Variants in FARP1 observed in about 807,000 individuals in gnomAD.
FARP1 encodes the protein FERM, ARHGEF and pleckstrin domain-containing protein 1.
FARP1 carries 52 observed loss-of-function variants against 128.8 expected under a neutral mutation model. The observed-to-expected ratio is 0.40, with a 90% confidence interval of 0.32 to 0.51. The LOEUF (loss-of-function observed/expected upper bound fraction) is 0.51. Among genes scored for constraint, FARP1 ranks in the 20% least tolerant of loss-of-function variants. The probability of loss-of-function intolerance (pLI) is 0.45; values close to 1 mark genes in which losing one functional copy is unlikely to be tolerated. For synonymous variants in FARP1, 580 were observed against 551.8 expected (o/e 1.05, Z -0.72); for missense variants, 1,333 against 1,367.9 (o/e 0.97, Z 0.40).
At chr13:98,295,355 G>A (rs1053636632) in intron 2 of FARP1, among the ~76,000 whole-genome samples, 2 of 152,124 alleles carry the variant, frequency 1.3e-5, no homozygotes, top group African/African-American at 4.8e-5. Context: ...AGACTCGCGT[G>A]TCCTCAGTGG....
rs1491453247 is a variant in FARP1, at chr13:98,417,455, G to GGGAAAAAAAAAAAAAAA, written c.1826+5421_1826+5422insGGAAAAAAAAAAAAAAA. On this transcript the variant is annotated intron_variant, in intron 16 of 26. Transcript: ENST00000319562. ...AGGAAACAGAGGCCACCAGAGGTTT[G>GGGAAAAAAAAAAAAAAA]AAAAAAAAAAAAAAAAAAAAAAAAA... 4.3e-4 allele frequency among the ~76,000 whole-genome samples: 25 copies of GGGAAAAAAAAAAAAAAA among 58,478 alleles called. 4 individuals are homozygous for GGGAAAAAAAAAAAAAAA. Among genetic ancestry groups the GGGAAAAAAAAAAAAAAA allele is most frequent in the Middle Eastern group, 9.6e-3 (1 of 104 alleles). The allele number at this position is 58,478 out of a possible 152,430, so 38.4% of individuals were successfully genotyped here.
intron 1 of FARP1, among the ~76,000 whole-genome samples, chr13:98,144,019 G>C (rs1875303685): frequency 6.6e-6 from 1 of 152,184 alleles, no homozygotes; most frequent in African/African-American, 2.4e-5. Context: ...CTCTGCCCAA[G>C]TTAGATTTGT....
At chr13:98,284,298 C>T (rs1412341539) in intron 2 of FARP1, among the ~76,000 whole-genome samples, 2 of 152,064 alleles carry the variant, frequency 1.3e-5, no homozygotes, top group African/African-American at 4.8e-5. Flanking sequence ...TGTTGGTCAA[C>T]ACTTGGATAA....
intron 1 of FARP1, among the ~76,000 whole-genome samples, chr13:98,188,916 T>C (rs16955024): frequency 0.037 from 5,674 of 152,318 alleles, 322 homozygotes; most frequent in African/African-American, 0.13. Context: ...GGACAGTCTT[T>C]GGCCCTGGAC....
intron 13 of FARP1, chr13:98,395,945 GA>G: frequency 2.5e-6 from 1 of 399,446 alleles, no homozygotes; most frequent in Non-Finnish European, 4.4e-6. Flanking sequence ...TCGGAAAATG[GA>G]CATGACCATA....
intron 16 of FARP1, among the ~76,000 whole-genome samples, chr13:98,416,271 T>C (rs1023571798): frequency 6.6e-6 from 1 of 152,168 alleles, no homozygotes; most frequent in Non-Finnish European, 1.5e-5. Flanking sequence ...AGATCTAAAG[T>C]ATAATATGCA....
chr13:98,246,261 A>T (rs1233262156), intron 2 of FARP1, among the ~76,000 whole-genome samples: 1 of 147,900 alleles, frequency 6.8e-6, no homozygotes, highest in African/African-American at 2.5e-5. Flanking sequence ...TCGCCCGGCT[A>T]ATTTTTTGTA....
At chr13:98,351,072 C>T (rs1487448272) in intron 3 of FARP1, among the ~76,000 whole-genome samples, 2 of 147,688 alleles carry the variant, frequency 1.4e-5, no homozygotes, top group Non-Finnish European at 3.0e-5. Flanking sequence ...TGCCCAGCCT[C>T]GCCTCCCCAC....
chr13:98,249,305 A>T (rs1327897225), intron 2 of FARP1, among the ~76,000 whole-genome samples: 1 of 152,180 alleles, frequency 6.6e-6, no homozygotes, highest in Non-Finnish European at 1.5e-5. Flanking sequence ...TGCCTTTGGA[A>T]ATATTGCAAG....
chr13:98,330,568 A>C (rs1160597571), intron 2 of FARP1, among the ~76,000 whole-genome samples: 1 of 152,110 alleles, frequency 6.6e-6, no homozygotes, highest in Non-Finnish European at 1.5e-5. Context: ...CAGCCTGACC[A>C]ACATGGTGAA....
At chr13:98,209,707 G>T (rs1451169727) in intron 1 of FARP1, among the ~76,000 whole-genome samples, 1 of 145,186 alleles carries the variant, frequency 6.9e-6, no homozygotes, top group African/African-American at 2.5e-5. Context: ...TGAGGCAGGA[G>T]AATCGCTTGA....
intron 1 of FARP1, among the ~76,000 whole-genome samples, chr13:98,149,030 G>A (rs1875780433): frequency 6.6e-6 from 1 of 152,058 alleles, no homozygotes; most frequent in African/African-American, 2.4e-5. Flanking sequence ...GGAACTACAG[G>A]CAAGCACCAC....
chr13:98,154,576 G>A (rs146401082), intron 1 of FARP1, among the ~76,000 whole-genome samples: 104 of 152,174 alleles, frequency 6.8e-4, no homozygotes, highest in African/African-American at 2.4e-3. Flanking sequence ...CAGCGCCAGC[G>A]GGAATAAATA....
rs375528070 is a variant in FARP1, at chr13:98,267,483, C to T, written c.171+54070C>T. Among the ~76,000 whole-genome samples the T allele has an allele frequency of 9.9e-5, 15 of 152,160 alleles. No homozygotes were observed. The East Asian group carries it at 1.2e-3, about 12-fold the overall frequency. ...GCTGTGGTTGGGGGTTGCAGACGCT[C>T]CCACCCCCCCATATCCTTCCCAAGG... On this transcript the variant is annotated intron_variant, in intron 2 of 26. Transcript: ENST00000319562.
rs140355132 is a variant in FARP1 at position 98,165,679 on chromosome 13, T to TA, written c.-24+22203dup. On this transcript the variant is annotated intron_variant, in intron 1 of 26. Coordinates refer to ENST00000319562, the MANE Select transcript of FARP1 (RefSeq NM_005766.4). Reference sequence around the variant, plus strand: ...CCTTAATATGATAATCTCTCATCATTAAAAAAAAAAAAAAAACCCTTCCAG... The same window carrying TA: ...CCTTAATATGATAATCTCTCATCATTAAAAAAAAAAAAAAAAACCCTTCCAG... 1.6e-3 allele frequency among the ~76,000 whole-genome samples: 184 copies of TA among 113,608 alleles called. 1 individual carries two copies. Among genetic ancestry groups the TA allele is most frequent in the African/African-American group, 5.9e-3 (174 of 29,620 alleles). 74.5% of individuals were successfully genotyped at this position (113,608 alleles called of 152,430 possible).
intron 2 of FARP1, chr13:98,332,240 C>T (rs1245322736): frequency 6.6e-6 from 1 of 152,118 alleles, no homozygotes; most frequent in Non-Finnish European, 1.5e-5. Context: ...CTCCCCTCTC[C>T]CCTTCCTCCA....
chr13:98,449,660 G>GTGTT lies in FARP1; in HGVS notation c.*1344_*1347dup, dbSNP rs1201656986. On this transcript the variant is annotated 3_prime_UTR_variant, in exon 27 of 27. Coordinates refer to ENST00000319562, the MANE Select transcript of FARP1 (RefSeq NM_005766.4). ...TGCAAACGGACGAAGAGCCTGCCGT[G>GTGTT]TGTTAATCATTTGCCTTACAAGATG... The GTGTT allele has an allele frequency of 1.3e-5, 2 of 152,570 alleles. No homozygotes were observed. The highest frequency in any genetic ancestry group is 1.9e-4 in the East Asian group (1 of 5,190). The allele number at this position is 152,570 out of a possible 1,614,324, so 9.5% of individuals were successfully genotyped here.
chr13:98,287,795 C>A (rs1259460988), intron 2 of FARP1, among the ~76,000 whole-genome samples: 1 of 131,708 alleles, frequency 7.6e-6, no homozygotes, highest in Admixed American at 9.0e-5. Context: ...ATGTCCCAGG[C>A]ACTTCTTTTT....
At chr13:98,313,201 T>TACACACAC (rs950519755) in intron 2 of FARP1, among the ~76,000 whole-genome samples, 1 of 128,550 alleles carries the variant, frequency 7.8e-6, no homozygotes, top group Non-Finnish European at 1.6e-5. Context: ...TGGGTCATAA[T>TACACACAC]ACACACACAC....
Sources: allele counts gnomAD v4.1 joint callset (sites outside exome capture counted in the v4.1 genomes callset), GRCh38; gene constraint gnomAD v4.1.1; transcripts MANE v1.5; gene names NCBI Gene and HGNC (gene_info 2026-07-23, HGNC 2026-07-21).